HERC1: variants seen among roughly 807,000 people sequenced by gnomAD.
The protein encoded by HERC1 is HECT and RLD domain containing E3 ubiquitin protein ligase family member 1.
A neutral mutation model predicts 554.3 loss-of-function variants in HERC1; 160 were observed. The observed-to-expected ratio is 0.29, with a 90% CI of 0.25 to 0.33. The LOEUF is 0.33. HERC1 is among the 10% of genes least tolerant of loss of function. The pLI is 1.00. For synonymous variants in HERC1, 2,175 were observed against 2,131.7 expected (o/e 1.02, Z -0.56); for missense variants, 4,919 against 5,918.5 (o/e 0.83, Z 5.54).
intron 12 of HERC1, among the ~76,000 whole-genome samples, chr15:63,744,233 GAC>G (rs1471518533): frequency 1.3e-5 from 2 of 149,848 alleles, no homozygotes; most frequent in Non-Finnish European, 3.0e-5. Flanking sequence ...GGGGTGGAGT[GAC>G]ACAAGCACCC....
intron 1 of HERC1, among the ~76,000 whole-genome samples, chr15:63,780,243 G>T (rs1021858799): frequency 1.3e-5 from 2 of 151,802 alleles, no homozygotes; most frequent in Admixed American, 1.3e-4. Context: ...AAGTATTTTT[G>T]ATTTTGTGAT....
chr15:63,647,646 A>G (rs1442349608), intron 55 of HERC1, among the ~76,000 whole-genome samples: 1 of 152,268 alleles, frequency 6.6e-6, no homozygotes, highest in Non-Finnish European at 1.5e-5. Context: ...TGGTATATAT[A>G]AACAATGGAA....
At chr15:63,640,091 C>T (rs2068969819) in intron 61 of HERC1, 61 bp downstream of exon 61, 2 of 1,501,346 alleles carry the variant, frequency 1.3e-6, no homozygotes. Flanking sequence ...GGGTCTGCTA[C>T]ATGCCCAATA....
At chr15:63,667,004 A>G (rs1230342270) in intron 40 of HERC1, among the ~76,000 whole-genome samples, 2 of 152,236 alleles carry the variant, frequency 1.3e-5, no homozygotes, top group African/African-American at 4.8e-5. Context: ...GGCCCCAAGC[A>G]TAGTGCTAAA....
intron 1 of HERC1, among the ~76,000 whole-genome samples, chr15:63,784,811 G>C (rs890795497): frequency 1.3e-5 from 2 of 152,160 alleles, no homozygotes; most frequent in Admixed American, 1.3e-4. Context: ...GGGTTTCACT[G>C]TGTTGGCCAG....
At chr15:63,797,579 C>T (rs757705293) in intron 1 of HERC1, among the ~76,000 whole-genome samples, 73 of 152,272 alleles carry the variant, frequency 4.8e-4, no homozygotes, top group Middle Eastern at 3.4e-3. Flanking sequence ...TAGTCCCCCA[C>T]CCATCAAACT....
chr15:63,619,340 T>A (rs2067965307), intron 74 of HERC1, among the ~76,000 whole-genome samples: 1 of 152,230 alleles, frequency 6.6e-6, no homozygotes, highest in African/African-American at 2.4e-5. Flanking sequence ...ATCCCAGGGA[T>A]GAAGCCCACT....
At chr15:63,789,078 GTTTTTTTTTTTTTTTTTTT>G (rs71131178) in intron 1 of HERC1, among the ~76,000 whole-genome samples, 1 of 83,604 alleles carries the variant, frequency 1.2e-5, no homozygotes, top group African/African-American at 5.0e-5. Flanking sequence ...GGAATAAAAG[GTTTTTTTTTTTTTTTTTTT>G]TTTTTTTTTT....
intron 74 of HERC1, among the ~76,000 whole-genome samples, chr15:63,622,072 T>C (rs1223694544): frequency 6.6e-6 from 1 of 152,190 alleles, no homozygotes; most frequent in Admixed American, 6.5e-5. Context: ...TACAAGTCCA[T>C]GAAACAGGAT....
Position 63,624,232 on chromosome 15 carries a change from C to T in HERC1, c.13371G>A (p.Val4457=). The change falls in exon 72 of 78, where the codon GTG becomes GTA. Residue 4457 remains valine, a synonymous_variant. Coordinates refer to ENST00000443617, the MANE Select transcript of HERC1 (RefSeq NM_003922.4). ...GAACCATGGTTTTTCCTATGGAGCGCACCATTGGCAGAGTGTAGACTCTTG... is the reference window on the plus strand; with the variant it reads ...GAACCATGGTTTTTCCTATGGAGCGTACCATTGGCAGAGTGTAGACTCTTG... ...LAPRVYTLPM[V]RSIGKTMVQG... 4 of 1,613,916 alleles carry T rather than the reference C, an allele frequency of 2.5e-6. No homozygotes were observed. In the South Asian group the frequency reaches 3.3e-5, roughly 13 times the overall value.
At position 63,609,403 on chromosome 15, in the gene HERC1, G is replaced by A. The variant is rs139874944; in HGVS notation, c.14401-137C>T. 1.7e-3 allele frequency: 1,282 copies of A among 766,498 alleles called. 2 individuals are homozygous for A. Among genetic ancestry groups the A allele is most frequent in the Non-Finnish European group, 2.4e-3 (1,195 of 499,402 alleles). 47.5% of individuals were successfully genotyped at this position (766,498 alleles called of 1,614,324 possible). On this transcript the variant is annotated intron_variant, in intron 77 of 77. Coordinates refer to ENST00000443617, the MANE Select transcript of HERC1 (RefSeq NM_003922.4). Reference sequence around the variant, plus strand: ...GTTAAGTCAAGTGGACACAGAGACTGGGCCAGATAGAATGAGCTGAGGCCC... The same window carrying A: ...GTTAAGTCAAGTGGACACAGAGACTAGGCCAGATAGAATGAGCTGAGGCCC...
chr15:63,802,057 T>A (rs923640019), intron 1 of HERC1, among the ~76,000 whole-genome samples: 1 of 152,156 alleles, frequency 6.6e-6, no homozygotes, highest in African/African-American at 2.4e-5. Flanking sequence ...AAAGTGTCAA[T>A]AAAGACTTCT....
intron 37 of HERC1, among the ~76,000 whole-genome samples, chr15:63,676,238 T>A (rs2152984946): frequency 6.6e-6 from 1 of 152,220 alleles, no homozygotes; most frequent in Middle Eastern, 3.4e-3. Flanking sequence ...ATAAATCCTT[T>A]CTGAAACAAG....
intron 13 of HERC1, among the ~76,000 whole-genome samples, chr15:63,733,833 C>T (rs997585872): frequency 2.0e-5 from 3 of 151,856 alleles, no homozygotes; most frequent in African/African-American, 7.3e-5. Flanking sequence ...GCCTGGATGA[C>T]AGAGCAAAAC....
In HERC1 at chr15:63,737,549, C is replaced by T. The variant is rs953308392; in HGVS notation, c.2521-2700G>A. On this transcript the variant is annotated intron_variant, in intron 12 of 77. Transcript: ENST00000443617. ...TATATATATATATATATATATATAT[C>T]TTTTTTTTTTTTAGTAGAGAAGGGG... Among the ~76,000 whole-genome samples the T allele has an allele frequency of 3.6e-3, 125 of 35,114 alleles. 1 individual carries two copies. Among genetic ancestry groups the T allele is most frequent in the East Asian group, 4.6e-3 (6 of 1,298 alleles). 23.0% of individuals were successfully genotyped at this position (35,114 alleles called of 152,430 possible).
intron 69 of HERC1, 48 bp downstream of exon 69, chr15:63,630,418 G>C: frequency 6.4e-7 from 1 of 1,565,774 alleles, no homozygotes; most frequent in Non-Finnish European, 8.7e-7. Context: ...GAGGAACACT[G>C]TGAGATTTCT....
chr15:63,772,850 A>T (rs1430638915), intron 2 of HERC1, among the ~76,000 whole-genome samples: 1 of 152,198 alleles, frequency 6.6e-6, no homozygotes, highest in Non-Finnish European at 1.5e-5. Flanking sequence ...TCAAATTTTC[A>T]TAGATCTTAT....
intron 21 of HERC1, among the ~76,000 whole-genome samples, chr15:63,716,897 A>C (rs1203549411): frequency 6.6e-6 from 1 of 152,196 alleles, no homozygotes; most frequent in African/African-American, 2.4e-5. Flanking sequence ...TAATAATTCT[A>C]AATTTAAAAC....
At chr15:63,796,653 G>A (rs2076822191) in intron 1 of HERC1, among the ~76,000 whole-genome samples, 1 of 152,210 alleles carries the variant, frequency 6.6e-6, no homozygotes, top group Non-Finnish European at 1.5e-5. Flanking sequence ...ATTTTAGGGA[G>A]ACATGGGATA....
Sources: allele counts gnomAD v4.1 joint callset (sites outside exome capture counted in the v4.1 genomes callset), GRCh38; gene constraint gnomAD v4.1.1; transcripts MANE v1.5; gene names NCBI Gene and HGNC (gene_info 2026-07-23, HGNC 2026-07-21).